CTNNA3: variants seen among roughly 807,000 people sequenced by gnomAD.
CTNNA3 encodes the protein catenin alpha 3, also known as catenin alpha-3.
CTNNA3 carries 76 observed loss-of-function variants against 95.7 expected under a neutral mutation model. That is an observed-to-expected ratio of 0.79 (90% CI 0.66 to 0.96). The LOEUF (loss-of-function observed/expected upper bound fraction) is 0.96. Ranked by LOEUF, CTNNA3 falls within the 40% of genes least tolerant of loss-of-function variation. CTNNA3 has a pLI of 0.00. For missense variants in CTNNA3, 1,191 were observed against 1,089.8 expected, an observed-to-expected ratio of 1.09 and a Z score of -1.31; for synonymous variants, 431 against 374.4, an observed-to-expected ratio of 1.15 and a Z score of -1.74.
At chr10:67,390,767 A>G (rs1844436678) in intron 5 of CTNNA3, among the ~76,000 whole-genome samples, 1 of 150,506 alleles carries the variant, frequency 6.6e-6, no homozygotes, top group Admixed American at 6.6e-5. Flanking sequence ...AAATCAATAA[A>G]TGTAATCCAG....
intron 15 of CTNNA3, among the ~76,000 whole-genome samples, chr10:65,992,965 T>A (rs2078575378): frequency 6.6e-6 from 1 of 152,118 alleles, no homozygotes; most frequent in East Asian, 1.9e-4. Flanking sequence ...TTCAGAAACT[T>A]GTTTGATTTC....
intron 1 of CTNNA3, among the ~76,000 whole-genome samples, chr10:67,722,000 A>G (rs963695303): frequency 2.6e-5 from 4 of 152,088 alleles, no homozygotes; most frequent in Admixed American, 6.6e-5. Flanking sequence ...GTTCAGTTGG[A>G]AATGCAGAAA....
intron 15 of CTNNA3, among the ~76,000 whole-genome samples, chr10:66,044,332 A>T (rs1164135434): frequency 6.6e-6 from 1 of 152,128 alleles, no homozygotes; most frequent in Non-Finnish European, 1.5e-5. Context: ...AACCAAACAA[A>T]TGTTTATATT....
rs12220356 is a variant in CTNNA3, at chr10:66,348,033, G to A, written c.1732+31119C>T. 3.7e-3 allele frequency among the ~76,000 whole-genome samples: 559 copies of A among 152,182 alleles called. 35 individuals carry two copies. In the East Asian group the frequency reaches 0.083, roughly 23 times the overall value. ...AATCCGCACTTAGACACACCTTAGT[G>A]AAACTACAGAATAACAAAGACAAAA... is the stretch of plus-strand genomic sequence containing the variant. On this transcript the variant is annotated intron_variant, in intron 12 of 17. Transcript: ENST00000433211.
chr10:66,519,231 T>C (rs1291707263), intron 11 of CTNNA3, among the ~76,000 whole-genome samples: 11 of 152,154 alleles, frequency 7.2e-5, no homozygotes, highest in Admixed American at 7.2e-4. Context: ...GAATTATGCT[T>C]CTGAGGATAT....
intron 9 of CTNNA3, among the ~76,000 whole-genome samples, chr10:66,716,692 G>T (rs1848461280): frequency 6.6e-6 from 1 of 152,086 alleles, no homozygotes; most frequent in African/African-American, 2.4e-5. Context: ...TTTCTTTCCT[G>T]GATCTAAGCA....
chr10:66,826,170 A>G (rs1307572559), intron 7 of CTNNA3, among the ~76,000 whole-genome samples: 1 of 152,212 alleles, frequency 6.6e-6, no homozygotes, highest in Non-Finnish European at 1.5e-5. Flanking sequence ...GACATATGTC[A>G]ATCTTACGAA....
intron 11 of CTNNA3, among the ~76,000 whole-genome samples, chr10:66,420,130 T>A (rs762355394): frequency 1.3e-5 from 2 of 152,042 alleles, no homozygotes; most frequent in African/African-American, 2.4e-5. Context: ...CTTCAAACTA[T>A]CTGACAATGG....
intron 9 of CTNNA3, among the ~76,000 whole-genome samples, chr10:66,643,835 T>G (rs1388801624): frequency 6.6e-6 from 1 of 152,194 alleles, no homozygotes; most frequent in East Asian, 1.9e-4. Context: ...TTCCAAATAT[T>G]TATTTTATTT....
chr10:66,919,688 C>G (rs1327752760), intron 7 of CTNNA3, among the ~76,000 whole-genome samples: 2 of 151,994 alleles, frequency 1.3e-5, no homozygotes, highest in Non-Finnish European at 2.9e-5. Context: ...CCATATGTGA[C>G]CAGACAGGGT....
intron 12 of CTNNA3, among the ~76,000 whole-genome samples, chr10:66,364,585 A>C (rs2092698699): frequency 6.6e-6 from 1 of 152,136 alleles, no homozygotes; most frequent in African/African-American, 2.4e-5. Flanking sequence ...ACAATTTGAA[A>C]ACAGCTAAAT....
intron 5 of CTNNA3, among the ~76,000 whole-genome samples, chr10:67,347,088 G>A (rs1227498410): frequency 2.0e-5 from 3 of 149,902 alleles, no homozygotes; most frequent in Non-Finnish European, 3.0e-5. Context: ...TTGAGACAGG[G>A]TCTCATTCTG....
At chr10:66,918,268 C>T (rs1019474215) in intron 7 of CTNNA3, among the ~76,000 whole-genome samples, 11 of 152,140 alleles carry the variant, frequency 7.2e-5, no homozygotes, top group Admixed American at 7.2e-4. Context: ...ATGTGAAGAA[C>T]AGAAATCCTG....
At chr10:67,743,106 T>A (rs1476778848) in intron 1 of CTNNA3, among the ~76,000 whole-genome samples, 4 of 151,312 alleles carry the variant, frequency 2.6e-5, no homozygotes, top group African/African-American at 9.7e-5. Flanking sequence ...CTTCTGAAAC[T>A]ATTCCAATCA....
chr10:65,985,220 C>T (rs2078404281), intron 16 of CTNNA3, among the ~76,000 whole-genome samples: 1 of 150,936 alleles, frequency 6.6e-6, no homozygotes, highest in African/African-American at 2.4e-5. Context: ...AAACCTTTCC[C>T]TAATACTATT....
chr10:67,297,263 A>G (rs992378318), intron 5 of CTNNA3, among the ~76,000 whole-genome samples: 1 of 152,206 alleles, frequency 6.6e-6, no homozygotes, highest in Non-Finnish European at 1.5e-5. Flanking sequence ...CAGTTCCAAG[A>G]GGTGTCCTCC....
intron 3 of CTNNA3, among the ~76,000 whole-genome samples, chr10:67,588,316 T>C (rs1368208801): frequency 6.6e-6 from 1 of 152,206 alleles, no homozygotes; most frequent in African/African-American, 2.4e-5. Context: ...ACATCTGGTG[T>C]AACCGTTGTT....
intron 5 of CTNNA3, among the ~76,000 whole-genome samples, chr10:67,333,199 G>A (rs1330818341): frequency 6.6e-6 from 1 of 152,126 alleles, no homozygotes; most frequent in African/African-American, 2.4e-5. Flanking sequence ...ATGTATATTA[G>A]TGCTTCCTTC....
intron 17 of CTNNA3, among the ~76,000 whole-genome samples, chr10:65,932,749 T>C (rs1786919): frequency 0.82 from 125,229 of 152,092 alleles, 52,034 homozygotes; most frequent in African/African-American, 0.93. Context: ...GAATACTTTG[T>C]ACTAAGATAT....
Sources: gnomAD v4.1 joint callset for allele counts (sites outside exome capture counted in the v4.1 genomes callset) on GRCh38, gnomAD v4.1.1 for gene constraint, MANE v1.5 for transcripts, NCBI Gene and HGNC (gene_info 2026-07-23, HGNC 2026-07-21) for gene names.